The following KIRREL3 variants were observed in gnomAD, a reference collection of about 807,000 sequenced individuals.
KIRREL3 encodes the protein kin of IRRE-like protein 3.
In KIRREL3, 36 loss-of-function variants were observed where a neutral mutation model predicts 89.7. That is an observed-to-expected ratio of 0.40 (90% confidence interval 0.31 to 0.53). The LOEUF is 0.53. Ranked by LOEUF, KIRREL3 falls within the 20% of genes least tolerant of loss-of-function variation. The pLI, the probability that KIRREL3 is intolerant of heterozygous loss-of-function variation, is 0.49. For missense variants in KIRREL3, 864 were observed against 1,056.6 expected (o/e 0.82, Z 2.53); for synonymous variants, 445 against 441.4 (o/e 1.01, Z -0.10).
rs893123840 is a variant in KIRREL3 at position 126,867,169 on chromosome 11, G to T, written c.55+133286C>A. Reference sequence around the variant, plus strand: ...AAAAAACGTTCCCCACAATCTGCCTGTCTGCCTGCTCCCCCCAGGGGTTTG... The same window carrying T: ...AAAAAACGTTCCCCACAATCTGCCTTTCTGCCTGCTCCCCCCAGGGGTTTG... On this transcript the variant is annotated intron_variant, in intron 1 of 16. Coordinates refer to ENST00000525144, the MANE Select transcript of KIRREL3 (RefSeq NM_032531.4). This position sits in a 1 kb window ranked among gnomAD's most constrained non-coding sequence, Gnocchi z 4.7. Among the ~76,000 whole-genome samples the T allele has an allele frequency of 6.6e-6, 1 of 152,218 alleles. No homozygotes were observed. The highest frequency in any genetic ancestry group is 2.4e-5 in the African/African-American group (1 of 41,450).
At chr11:126,460,055 A>G (rs1956492907) in intron 6 of KIRREL3, among the ~76,000 whole-genome samples, 1 of 152,126 alleles carries the variant, frequency 6.6e-6, no homozygotes, top group South Asian at 2.1e-4. Flanking sequence ...GTCCTTAGTA[A>G]ACAGTTGGAT....
intron 9 of KIRREL3, among the ~76,000 whole-genome samples, chr11:126,446,148 C>CAAAAAAAAAAAAAAAAAAAAAA (rs56820180): frequency 1.2e-5 from 1 of 83,236 alleles, no homozygotes; most frequent in Non-Finnish European, 2.3e-5. Context: ...AACTCCATCT[C>CAAAAAAAAAAAAAAAAAAAAAA]AAAAAAAAAA....
At position 126,896,307 on chromosome 11, in the gene KIRREL3, C is replaced by T. The variant is rs1691021663; in HGVS notation, c.55+104148G>A. Among the ~76,000 whole-genome samples, 1 of 152,212 alleles carries T rather than the reference C, an allele frequency of 6.6e-6. No individual in the cohort carries two copies. Among genetic ancestry groups the T allele is most frequent in the Non-Finnish European group, 1.5e-5 (1 of 68,038 alleles). ...AACTCTGCTAGTCTGCAAGGATGAACATGGTCCATGAGAAATAGCAGCATC... is the reference window on the plus strand; with the variant it reads ...AACTCTGCTAGTCTGCAAGGATGAATATGGTCCATGAGAAATAGCAGCATC... On this transcript the variant is annotated intron_variant, in intron 1 of 16. Coordinates refer to ENST00000525144, the MANE Select transcript of KIRREL3 (RefSeq NM_032531.4). This position sits in a 1 kb window ranked among gnomAD's most constrained non-coding sequence, Gnocchi z 4.1.
In KIRREL3 at chr11:126,682,795, G is replaced by A. The variant is rs1946517345; in HGVS notation, c.56-119883C>T. Among the ~76,000 whole-genome samples, 2 of 152,310 alleles carry A rather than the reference G, an allele frequency of 1.3e-5. No individual in the cohort carries two copies. Among genetic ancestry groups the A allele is most frequent in the East Asian group, 3.9e-4 (2 of 5,188 alleles). On this transcript the variant is annotated intron_variant, in intron 1 of 16. Coordinates refer to ENST00000525144, the MANE Select transcript of KIRREL3 (RefSeq NM_032531.4). The surrounding 1 kb of genome is among the most constrained non-coding windows in gnomAD (Gnocchi z 4.8). The stretch of plus-strand genomic sequence containing the variant: ...CAGGAGGCAGAGTTCGGGCGGCAAT[G>A]TTCACTCACCTGCCGCTCACCTCCT...
In KIRREL3 at chr11:126,981,232, A is replaced by AT. The variant is rs890401162; in HGVS notation, c.55+19222dup. Among the ~76,000 whole-genome samples the AT allele has an allele frequency of 2.0e-5, 3 of 152,124 alleles. No individual in the cohort carries two copies. The highest frequency in any genetic ancestry group is 7.2e-5 in the African/African-American group (3 of 41,420). ...CGTTGGACCACAGCAAGACCTTCTT[A>AT]TTTTTGCAAGCTATTCTATTTTATT... On this transcript the variant is annotated intron_variant, in intron 1 of 16. Transcript: ENST00000525144. This position sits in a 1 kb window ranked among gnomAD's most constrained non-coding sequence, Gnocchi z 4.2.
At position 126,876,055 on chromosome 11, in the gene KIRREL3, C is replaced by G. The variant is rs926331286; in HGVS notation, c.55+124400G>C. On this transcript the variant is annotated intron_variant, in intron 1 of 16. Coordinates refer to ENST00000525144, the MANE Select transcript of KIRREL3 (RefSeq NM_032531.4). This position sits in a 1 kb window ranked among gnomAD's most constrained non-coding sequence, Gnocchi z 4.1. ...CTTGGCTTTGGTGATGGGAGGGGCA[C>G]AGGAGGGGTATTGGAGGTGACCTAT... Among the ~76,000 whole-genome samples, 2 of 152,034 alleles carry G rather than the reference C, an allele frequency of 1.3e-5. No individual in the cohort carries two copies. Among genetic ancestry groups the G allele is most frequent in the African/African-American group, 4.8e-5 (2 of 41,390 alleles).
At chr11:126,451,438 G>A (rs1956153724) in intron 7 of KIRREL3, among the ~76,000 whole-genome samples, 1 of 151,326 alleles carries the variant, frequency 6.6e-6, no homozygotes, top group African/African-American at 2.4e-5. Context: ...GTGTGCATGT[G>A]TGTGTCCAAG....
Position 126,587,476 on chromosome 11 carries a change from C to T in KIRREL3, c.56-24564G>A, listed in dbSNP as rs1440982673. ...TCATGGAGCCATCACATTCCCAAACCCACAGCGCTTCCCTCTCACCAACCC... is the reference window on the plus strand; with the variant it reads ...TCATGGAGCCATCACATTCCCAAACTCACAGCGCTTCCCTCTCACCAACCC... On this transcript the variant is annotated intron_variant, in intron 1 of 16. Coordinates refer to ENST00000525144, the MANE Select transcript of KIRREL3 (RefSeq NM_032531.4). The surrounding 1 kb of genome is among the most constrained non-coding windows in gnomAD (Gnocchi z 5.2). Among the ~76,000 whole-genome samples the T allele has an allele frequency of 6.6e-6, 1 of 152,144 alleles. No homozygotes were observed. Among genetic ancestry groups the T allele is most frequent in the Non-Finnish European group, 1.5e-5 (1 of 68,030 alleles).
chr11:126,562,816 T>C lies in KIRREL3; in HGVS notation c.133+19A>G, dbSNP rs1210254413. 3 of 1,607,174 alleles carry C rather than the reference T, an allele frequency of 1.9e-6. No homozygotes were observed. The highest frequency in any genetic ancestry group is 1.7e-4 in the Middle Eastern group (1 of 6,050). ...TCCCTCCAGATTACTCCCGAGACAA[T>C]GGGGAGGTTCTCACTGACCTTCATT... On this transcript the variant is annotated intron_variant, in intron 2 of 16. Coordinates refer to ENST00000525144, the MANE Select transcript of KIRREL3 (RefSeq NM_032531.4). The surrounding 1 kb of genome is among the most constrained non-coding windows in gnomAD (Gnocchi z 4.7).
In KIRREL3 at chr11:126,978,884, C is replaced by T. The variant is rs998580899; in HGVS notation, c.55+21571G>A. On this transcript the variant is annotated intron_variant, in intron 1 of 16. Transcript: ENST00000525144. The surrounding 1 kb of genome is among the most constrained non-coding windows in gnomAD (Gnocchi z 4.2). The stretch of plus-strand genomic sequence containing the variant: ...CTGGCTTCCCTGTTATGCCCTGTGT[C>T]CCTGAATACATTGAGGTACACCTGC... Among the ~76,000 whole-genome samples, 1 of 152,162 alleles carries T rather than the reference C, an allele frequency of 6.6e-6. No individual in the cohort carries two copies.
chr11:126,493,364 A>G (rs1957572490), intron 4 of KIRREL3, among the ~76,000 whole-genome samples: 1 of 152,148 alleles, frequency 6.6e-6, no homozygotes, highest in South Asian at 2.1e-4. Context: ...TACTAAAGAT[A>G]CAAAAAATTA....
At chr11:126,548,311 C>T (rs531110980) in intron 2 of KIRREL3, among the ~76,000 whole-genome samples, 7 of 152,348 alleles carry the variant, frequency 4.6e-5, no homozygotes, top group African/African-American at 1.7e-4. Flanking sequence ...AGGCCAACCT[C>T]CCATTGCCGG....
At chr11:126,634,853 T>C (rs1431247996) in intron 1 of KIRREL3, among the ~76,000 whole-genome samples, 2 of 152,146 alleles carry the variant, frequency 1.3e-5, no homozygotes, top group African/African-American at 2.4e-5. Context: ...TTGCTGGTGC[T>C]CTTTCCACTA....
chr11:126,680,708 A>G (rs1487001652), intron 1 of KIRREL3, among the ~76,000 whole-genome samples: 4 of 152,034 alleles, frequency 2.6e-5, no homozygotes, highest in Non-Finnish European at 1.5e-5. Flanking sequence ...TGAGTCTTAA[A>G]GCAGCCAACA....
chr11:126,585,647 G>A (rs958933378), intron 1 of KIRREL3, among the ~76,000 whole-genome samples: 3 of 152,220 alleles, frequency 2.0e-5, no homozygotes, highest in Non-Finnish European at 4.4e-5. Flanking sequence ...AAACTGCTTA[G>A]GGTTCCACCC....
intron 1 of KIRREL3, among the ~76,000 whole-genome samples, chr11:126,735,197 G>A (rs2134205020): frequency 6.6e-6 from 1 of 152,322 alleles, no homozygotes; most frequent in South Asian, 2.1e-4. Context: ...GTTGTAAAAT[G>A]TGCTTCTGTG....
intron 1 of KIRREL3, among the ~76,000 whole-genome samples, chr11:126,815,524 T>C (rs1184412141): frequency 6.6e-6 from 1 of 152,178 alleles, no homozygotes; most frequent in Non-Finnish European, 1.5e-5. Context: ...AAATGTGAGC[T>C]ATTATAATTT....
intron 1 of KIRREL3, among the ~76,000 whole-genome samples, chr11:126,793,903 C>T (rs1181825908): frequency 6.6e-6 from 1 of 152,188 alleles, no homozygotes; most frequent in East Asian, 1.9e-4. Flanking sequence ...CCCCCACTAC[C>T]TAGATTTTAA....
chr11:126,463,369 G>T lies in KIRREL3; in HGVS notation c.592-62C>A. On this transcript the variant is annotated intron_variant, in intron 5 of 16. Transcript: ENST00000525144. The surrounding 1 kb of genome is among the most constrained non-coding windows in gnomAD (Gnocchi z 5.9). ...TCGCTTGGCTGGGGTGGCCAGCCTG[G>T]GTTGGGGGTAAACGAGCACCAGCTT... 5 of 1,542,472 alleles carry T rather than the reference G, an allele frequency of 3.2e-6. No individual in the cohort carries two copies. The highest frequency in any genetic ancestry group is 4.4e-6 in the Non-Finnish European group (5 of 1,131,290).
Sources: allele counts gnomAD v4.1 joint callset (sites outside exome capture counted in the v4.1 genomes callset), GRCh38; gene constraint gnomAD v4.1.1; non-coding constraint Gnocchi (gnomAD v3.1); transcripts MANE v1.5; gene names NCBI Gene and HGNC (gene_info 2026-07-23, HGNC 2026-07-21).